The following LARP1B variants were observed in gnomAD, a reference collection of about 807,000 sequenced individuals.
LARP1B encodes the protein La ribonucleoprotein 1B.
LARP1B carries 76 observed loss-of-function variants against 114.2 expected under a neutral mutation model. That is an observed-to-expected ratio of 0.67 (90% confidence interval 0.55 to 0.81). LARP1B has a LOEUF of 0.81. LARP1B is among the 30% of genes least tolerant of loss of function. The pLI is 0.00. For missense variants in LARP1B, 1,014 were observed against 1,075.8 expected (o/e 0.94, Z 0.80); for synonymous variants, 345 against 348.0 (o/e 0.99, Z 0.10).
chr4:128,150,423 G>A (rs1203040984), intron 11 of LARP1B, among the ~76,000 whole-genome samples: 2 of 151,610 alleles, frequency 1.3e-5, no homozygotes, highest in Non-Finnish European at 2.9e-5. Context: ...CTCCCTAGTA[G>A]TTGGTACTAC....
rs749035266 is a variant in LARP1B, at chr4:128,143,254, C to T, written c.1525-18940C>T. Among the ~76,000 whole-genome samples, 9 of 151,984 alleles carry T rather than the reference C, an allele frequency of 5.9e-5. No homozygotes were observed. In the East Asian group the frequency reaches 7.7e-4, roughly 13 times the overall value. On this transcript the variant is annotated intron_variant, in intron 11 of 19. Coordinates refer to ENST00000326639, the MANE Select transcript of LARP1B (RefSeq NM_018078.4). Reference sequence around the variant, plus strand: ...GAGCCAAGATCATGCCACTGCACTCCGTGACAGAGCAAGACTCCGTTTCAA... The same window carrying T: ...GAGCCAAGATCATGCCACTGCACTCTGTGACAGAGCAAGACTCCGTTTCAA...
At chr4:128,108,010 C>CT (rs1782691812) in intron 9 of LARP1B, 1 of 1,523,956 alleles carries the variant, frequency 6.6e-7, no homozygotes. Context: ...AGCGATCAGA[C>CT]TGTCTTCTGT....
rs70966086 is a variant in LARP1B, at chr4:128,181,180, C to CT, written c.2003+1684dup. Among the ~76,000 whole-genome samples the CT allele has an allele frequency of 8.9e-3, 1,162 of 130,022 alleles. 15 individuals carry two copies. The highest frequency in any genetic ancestry group is 0.028 in the African/African-American group (1,004 of 36,250). The allele number at this position is 130,022 out of a possible 152,430, so 85.3% of individuals were successfully genotyped here. A position where few individuals can be genotyped will look rare whatever the true frequency, so the allele number is the denominator to read the frequency against. On this transcript the variant is annotated intron_variant, in intron 15 of 19. Transcript: ENST00000326639. ...CTATCATTTATTTTTCTCATCCATT[C>CT]TTTTTTTTTTTTTTTTCTTTTGAGA...
intron 8 of LARP1B, among the ~76,000 whole-genome samples, chr4:128,098,768 T>TA (rs58280279): frequency 0.027 from 504 of 18,668 alleles, 8 homozygotes; most frequent in African/African-American, 0.074. Flanking sequence ...TATATATATA[T>TA]TTTTTTTTTT....
At chr4:128,098,765 ATATTTTTTTTTTTT>A (rs1779119938) in intron 8 of LARP1B, among the ~76,000 whole-genome samples, 1 of 32,840 alleles carries the variant, frequency 3.0e-5, no homozygotes. Context: ...ATATATATAT[ATATTTTTTTTTTTT>A]TTTTTTTTTT....
At chr4:128,077,651 A>G in intron 3 of LARP1B, 137 bp from the exon 4 acceptor site, 1 of 875,176 alleles carries the variant, frequency 1.1e-6, no homozygotes, top group East Asian at 2.8e-5. Context: ...CTGTCTTTTG[A>G]AAAGTAATTT....
intron 5 of LARP1B, among the ~76,000 whole-genome samples, chr4:128,089,099 G>A (rs1265879106): frequency 6.6e-6 from 1 of 152,010 alleles, no homozygotes; most frequent in Non-Finnish European, 1.5e-5. Flanking sequence ...GGAGATATTT[G>A]TTACTGGTTG....
intron 8 of LARP1B, among the ~76,000 whole-genome samples, chr4:128,105,343 A>G (rs888741730): frequency 2.0e-5 from 3 of 151,864 alleles, no homozygotes; most frequent in Non-Finnish European, 4.4e-5. Flanking sequence ...AGTTCTTTTC[A>G]TTGGTAGTTT....
At chr4:128,078,743 A>G (rs1219902386) in intron 4 of LARP1B, among the ~76,000 whole-genome samples, 1 of 152,110 alleles carries the variant, frequency 6.6e-6, no homozygotes, top group South Asian at 2.1e-4. Flanking sequence ...GTCTAGGGAC[A>G]GTTTATGATT....
At chr4:128,098,735 G>T (rs1428215802) in intron 8 of LARP1B, among the ~76,000 whole-genome samples, 1 of 33,598 alleles carries the variant, frequency 3.0e-5, no homozygotes, top group African/African-American at 9.7e-5. Context: ...ATGTGTTCCT[G>T]TATATGTATG....
At chr4:128,079,208 C>T (rs907543787) in intron 4 of LARP1B, among the ~76,000 whole-genome samples, 2 of 151,724 alleles carry the variant, frequency 1.3e-5, no homozygotes, top group African/African-American at 4.8e-5. Flanking sequence ...AATTCTTCTG[C>T]CTCAGCCTCC....
At chr4:128,063,471 TAAA>T (rs1026867294) in intron 1 of LARP1B, among the ~76,000 whole-genome samples, 4 of 51,186 alleles carry the variant, frequency 7.8e-5, no homozygotes, top group Non-Finnish European at 1.7e-4. Context: ...AAAATGGAAA[TAAA>T]AACCATGACA....
At chr4:128,085,165 A>T (rs997470002) in intron 5 of LARP1B, among the ~76,000 whole-genome samples, 1 of 152,074 alleles carries the variant, frequency 6.6e-6, no homozygotes, top group African/African-American at 2.4e-5. Flanking sequence ...GACTGGCCAC[A>T]ATGATTATTA....
chr4:128,076,703 A>T (rs1768036406), intron 3 of LARP1B, among the ~76,000 whole-genome samples: 1 of 151,816 alleles, frequency 6.6e-6, no homozygotes, highest in Non-Finnish European at 1.5e-5. Context: ...AATTCCAGTT[A>T]CTCCACATCT....
chr4:128,155,196 T>C (rs1184351106), intron 11 of LARP1B, among the ~76,000 whole-genome samples: 1 of 152,196 alleles, frequency 6.6e-6, no homozygotes, highest in Admixed American at 6.5e-5. Flanking sequence ...TAGGCTTTGG[T>C]TGTGCATCCA....
chr4:128,069,217 A>G (rs1561033906), intron 1 of LARP1B: 1 of 1,078,058 alleles, frequency 9.3e-7, no homozygotes, highest in East Asian at 2.4e-5. Flanking sequence ...GCTTTATGGA[A>G]TGGATCAATG....
chr4:128,105,509 G>C (rs1395317316), intron 8 of LARP1B, among the ~76,000 whole-genome samples: 1 of 152,162 alleles, frequency 6.6e-6, no homozygotes, highest in East Asian at 1.9e-4. Context: ...TTCACCATAG[G>C]ATTCTTTCCT....
intron 1 of LARP1B, among the ~76,000 whole-genome samples, chr4:128,067,876 ATTTTTG>A (rs1423881421): frequency 6.6e-6 from 1 of 151,660 alleles, no homozygotes; most frequent in African/African-American, 2.4e-5. Flanking sequence ...TGCCTGCATA[ATTTTTG>A]TTTTTGTTTT....
At chr4:128,198,412 A>G (rs1250519792) in intron 15 of LARP1B, among the ~76,000 whole-genome samples, 1 of 152,194 alleles carries the variant, frequency 6.6e-6, no homozygotes, top group Non-Finnish European at 1.5e-5. Flanking sequence ...ATATGTACTC[A>G]TGAGTGAGAT....
Sources: allele counts gnomAD v4.1 joint callset (sites outside exome capture counted in the v4.1 genomes callset), GRCh38; gene constraint gnomAD v4.1.1; transcripts MANE v1.5; gene names NCBI Gene and HGNC (gene_info 2026-07-23, HGNC 2026-07-21).